Variants in PPP2R3A observed in about 807,000 individuals in gnomAD.
The protein encoded by PPP2R3A is serine/threonine-protein phosphatase 2A regulatory subunit B'' subunit alpha.
A neutral mutation model predicts 106.9 loss-of-function variants in PPP2R3A; 80 were observed. That is an observed-to-expected ratio of 0.75 (90% confidence interval 0.62 to 0.90). PPP2R3A has a LOEUF of 0.90. PPP2R3A is among the 40% of genes least tolerant of loss of function. PPP2R3A has a pLI of 0.00. For synonymous variants in PPP2R3A, 483 were observed against 468.3 expected (o/e 1.03, Z -0.41); for missense variants, 1,386 against 1,350.4 (o/e 1.03, Z -0.41).
Position 136,070,483 on chromosome 3 carries a change from G to A in PPP2R3A, c.2475G>A (p.Val825=). ...TTGGTTTTGATCTTTTTCAGGATGT[G>A]GTGGATACCCACCCTGGTCTCACGT... ...QEDFIPLLQD[V]VDTHPGLTFL... The change falls in exon 6 of 14, where the codon GTG becomes GTA. Residue 825 remains valine, a synonymous_variant. Transcript: ENST00000264977. 1 of 1,603,344 alleles carries A rather than the reference G, an allele frequency of 6.2e-7. No homozygotes were observed. The highest frequency in any genetic ancestry group is 8.5e-7 in the Non-Finnish European group (1 of 1,176,168).
chr3:136,118,177 GC>G (rs1937851377), intron 13 of PPP2R3A, among the ~76,000 whole-genome samples: 1 of 152,074 alleles, frequency 6.6e-6, no homozygotes, highest in Non-Finnish European at 1.5e-5. Flanking sequence ...AAATTCAACA[GC>G]CCTTCATGCT....
rs184655280 is a variant in PPP2R3A, at chr3:136,066,525, A to T, written c.2470-3953A>T. Among the ~76,000 whole-genome samples the T allele has an allele frequency of 2.9e-4, 44 of 152,308 alleles. 1 individual carries two copies. The highest frequency in any genetic ancestry group is 9.6e-4 in the African/African-American group (40 of 41,560). Reference sequence around the variant, plus strand: ...AACAGATACTAGGTAATTTATAAAGAGAAGAGGTTTAAGTGGCTTACAGTT... The same window carrying T: ...AACAGATACTAGGTAATTTATAAAGTGAAGAGGTTTAAGTGGCTTACAGTT... On this transcript the variant is annotated intron_variant, in intron 5 of 13. Transcript: ENST00000264977.
chr3:136,013,912 C>A (rs921885812), intron 2 of PPP2R3A, among the ~76,000 whole-genome samples: 1 of 152,130 alleles, frequency 6.6e-6, no homozygotes, highest in Non-Finnish European at 1.5e-5. Context: ...GAAGTCTTCA[C>A]CTAAGCCGAT....
chr3:136,017,434 G>T (rs1217898098), intron 2 of PPP2R3A, among the ~76,000 whole-genome samples: 1 of 152,188 alleles, frequency 6.6e-6, no homozygotes, highest in Non-Finnish European at 1.5e-5. Context: ...AACATGAGAA[G>T]GCTTTTTAAA....
intron 13 of PPP2R3A, among the ~76,000 whole-genome samples, chr3:136,123,181 A>G (rs1040234043): frequency 6.6e-6 from 1 of 152,196 alleles, no homozygotes; most frequent in Non-Finnish European, 1.5e-5. Flanking sequence ...AATAGCAATG[A>G]GTTATGAAAA....
intron 5 of PPP2R3A, among the ~76,000 whole-genome samples, chr3:136,053,732 T>C (rs886501436): frequency 1.3e-5 from 2 of 151,960 alleles, no homozygotes; most frequent in African/African-American, 2.4e-5. Flanking sequence ...TCCCGGGAGG[T>C]CTCACCAGTT....
At chr3:136,048,097 T>C (rs1244934364) in intron 4 of PPP2R3A, among the ~76,000 whole-genome samples, 2 of 151,292 alleles carry the variant, frequency 1.3e-5, no homozygotes, top group East Asian at 3.9e-4. Context: ...CCTGTACCTA[T>C]AATAAAAGTT....
chr3:136,138,626 A>T (rs1938717512), intron 13 of PPP2R3A, among the ~76,000 whole-genome samples: 1 of 151,198 alleles, frequency 6.6e-6, no homozygotes, highest in South Asian at 2.1e-4. Flanking sequence ...TTTTAACTTA[A>T]AAGTATAAAG....
rs556806053 is a variant in PPP2R3A at position 136,139,359 on chromosome 3, A to G, written c.3330-5684A>G. Among the ~76,000 whole-genome samples the G allele has an allele frequency of 1.4e-3, 217 of 152,248 alleles. 3 individuals are homozygous for G. Among genetic ancestry groups the G allele is most frequent in the African/African-American group, 4.5e-3 (187 of 41,542 alleles). On this transcript the variant is annotated intron_variant, in intron 13 of 13. Coordinates refer to ENST00000264977, the MANE Select transcript of PPP2R3A (RefSeq NM_002718.5). Reference sequence around the variant, plus strand: ...GCAGTGGTGTTGCTGGCCAAATTACATGAACCACCATATCCCCTCATGCTA... The same window carrying G: ...GCAGTGGTGTTGCTGGCCAAATTACGTGAACCACCATATCCCCTCATGCTA...
intron 13 of PPP2R3A, among the ~76,000 whole-genome samples, chr3:136,115,443 A>G (rs1937707142): frequency 6.6e-6 from 1 of 152,014 alleles, no homozygotes; most frequent in South Asian, 2.1e-4. Context: ...GGTAATAACA[A>G]ACTGCTCCAA....
At chr3:136,070,432 A>G in intron 5 of PPP2R3A, 46 bp from the exon 6 acceptor site, 2 of 1,518,592 alleles carry the variant, frequency 1.3e-6, no homozygotes, top group Non-Finnish European at 1.8e-6. Context: ...CATAGGCATA[A>G]TTTTTGTATG....
At chr3:135,980,812 C>G (rs569471380) in intron 1 of PPP2R3A, among the ~76,000 whole-genome samples, 4 of 151,968 alleles carry the variant, frequency 2.6e-5, no homozygotes, top group African/African-American at 9.7e-5. Flanking sequence ...CACTGATGTT[C>G]AAGTGTCTTA....
At chr3:135,985,226 C>A (rs1937591191) in intron 1 of PPP2R3A, among the ~76,000 whole-genome samples, 1 of 151,970 alleles carries the variant, frequency 6.6e-6, no homozygotes, top group Non-Finnish European at 1.5e-5. Flanking sequence ...TAATATTAAT[C>A]TTCTCTTTGA....
chr3:136,030,784 ATGTATG>A (rs1559878193), intron 3 of PPP2R3A, among the ~76,000 whole-genome samples: 68 of 116,126 alleles, frequency 5.9e-4, no homozygotes, highest in African/African-American at 1.4e-3. Flanking sequence ...ATATATATGT[ATGTATG>A]TATGTATGTA....
At chr3:136,070,016 C>T (rs1052328650) in intron 5 of PPP2R3A, among the ~76,000 whole-genome samples, 2 of 152,122 alleles carry the variant, frequency 1.3e-5, no homozygotes, top group Non-Finnish European at 2.9e-5. Flanking sequence ...ATTCAAACTA[C>T]TTGACTACAT....
At chr3:136,125,037 C>T (rs1188800547) in intron 13 of PPP2R3A, among the ~76,000 whole-genome samples, 2 of 152,128 alleles carry the variant, frequency 1.3e-5, no homozygotes, top group South Asian at 2.1e-4. Flanking sequence ...AGTCCAAGTC[C>T]AGGCCAGGCA....
intron 7 of PPP2R3A, among the ~76,000 whole-genome samples, chr3:136,079,658 C>A (rs1211277837): frequency 6.6e-6 from 1 of 152,000 alleles, no homozygotes; most frequent in African/African-American, 2.4e-5. Context: ...CCACCTGCCT[C>A]AGCCTCCCGA....
In PPP2R3A at chr3:136,146,879, AAAT is replaced by A. The variant is rs1246632241; in HGVS notation, c.*1715_*1717del. 1.3e-5 allele frequency: 2 copies of A among 152,186 alleles called. No individual in the cohort carries two copies. Among genetic ancestry groups the A allele is most frequent in the African/African-American group, 4.8e-5 (2 of 41,430 alleles). The allele number at this position is 152,186 out of a possible 1,614,324, so 9.4% of individuals were successfully genotyped here. A position where few individuals can be genotyped will look rare whatever the true frequency, so the allele number is the denominator to read the frequency against. On this transcript the variant is annotated 3_prime_UTR_variant, in exon 14 of 14. Transcript: ENST00000264977. ...TCAGATAGAAATACAAAAAAAAAAA[AAAT>A]ACTTTTCTTAGAAGCCAGATATGGT...
At chr3:135,997,889 C>A (rs1020461935) in intron 1 of PPP2R3A, among the ~76,000 whole-genome samples, 21 of 152,206 alleles carry the variant, frequency 1.4e-4, no homozygotes, top group African/African-American at 5.1e-4. Context: ...TAATCGATTT[C>A]TAGGTCTTCA....
Sources: allele counts gnomAD v4.1 joint callset (sites outside exome capture counted in the v4.1 genomes callset), GRCh38; gene constraint gnomAD v4.1.1; transcripts MANE v1.5; gene names NCBI Gene and HGNC (gene_info 2026-07-23, HGNC 2026-07-21).